Variants in CA10 observed in about 807,000 individuals in gnomAD.
CA10 encodes the protein carbonic anhydrase-related protein 10.
CA10 carries 14 observed loss-of-function variants against 44.2 expected under a neutral mutation model. The ratio of observed to expected loss-of-function variants is 0.32; its 90% confidence interval spans 0.21 to 0.50. The LOEUF is 0.50. CA10 is among the 20% of genes least tolerant of loss of function. The pLI, the probability that CA10 is intolerant of heterozygous loss-of-function variation, is 0.99. For missense variants in CA10, 350 were observed against 409.7 expected, an observed-to-expected ratio of 0.85 and a Z score of 1.26; for synonymous variants, 159 against 141.6, an observed-to-expected ratio of 1.12 and a Z score of -0.87.
intron 3 of CA10, among the ~76,000 whole-genome samples, chr17:51,865,185 T>C (rs1396974688): frequency 6.6e-6 from 1 of 152,156 alleles, no homozygotes; most frequent in Non-Finnish European, 1.5e-5. Flanking sequence ...TCATCTCACT[T>C]TCCTGCTTTA....
At chr17:51,726,556 T>C (rs1916528816) in intron 4 of CA10, among the ~76,000 whole-genome samples, 1 of 152,122 alleles carries the variant, frequency 6.6e-6, no homozygotes, top group African/African-American at 2.4e-5. Context: ...CAAAAATAAA[T>C]ACATTTTAAA....
intron 2 of CA10, among the ~76,000 whole-genome samples, chr17:51,990,147 A>C (rs1271093399): frequency 6.6e-6 from 1 of 152,044 alleles, no homozygotes; most frequent in East Asian, 1.9e-4. Flanking sequence ...TTTTTTCTAC[A>C]ACTATTTAAT....
intron 1 of CA10, among the ~76,000 whole-genome samples, chr17:52,132,513 G>A (rs1225096344): frequency 6.6e-6 from 1 of 152,210 alleles, no homozygotes; most frequent in Non-Finnish European, 1.5e-5. Flanking sequence ...TGCTGTACCT[G>A]TTAACTGCTA....
intron 1 of CA10, among the ~76,000 whole-genome samples, chr17:52,101,046 T>G (rs905848589): frequency 6.6e-6 from 1 of 152,192 alleles, no homozygotes; most frequent in Non-Finnish European, 1.5e-5. Flanking sequence ...AATTCAGACC[T>G]TCACATATTC....
At chr17:51,859,352 T>G (rs1215872132) in intron 3 of CA10, among the ~76,000 whole-genome samples, 2 of 152,136 alleles carry the variant, frequency 1.3e-5, no homozygotes, top group Admixed American at 1.3e-4. Flanking sequence ...TGTAAGTGAG[T>G]GACAGCAGGT....
intron 3 of CA10, among the ~76,000 whole-genome samples, chr17:51,868,755 T>C (rs994750584): frequency 2.6e-5 from 4 of 152,142 alleles, no homozygotes; most frequent in Admixed American, 6.5e-5. Context: ...AGCAGCTCTG[T>C]TGGACACCAC....
chr17:51,791,954 T>C (rs1445019267), intron 3 of CA10, among the ~76,000 whole-genome samples: 15 of 152,196 alleles, frequency 9.9e-5, no homozygotes, highest in Admixed American at 9.8e-4. Flanking sequence ...TCTGTTCTAT[T>C]AGATGTTAAG....
intron 3 of CA10, among the ~76,000 whole-genome samples, chr17:51,893,111 C>T (rs1980929724): frequency 6.6e-6 from 1 of 151,948 alleles, no homozygotes; most frequent in Admixed American, 6.6e-5. Context: ...TGCATAATAT[C>T]AAGTTACAGG....
rs189377984 is a variant in CA10 at position 51,909,692 on chromosome 17, C to A, written c.279+21298G>T. 1.1e-4 allele frequency among the ~76,000 whole-genome samples: 17 copies of A among 152,208 alleles called. No homozygotes were observed. In the East Asian group the frequency reaches 3.3e-3, roughly 29 times the overall value. On this transcript the variant is annotated intron_variant, in intron 3 of 8. Transcript: ENST00000451037. ...ATTTAATAGTCAACTGGAGGCTCAG[C>A]TTTTTATAATTTAGTTTCCCAGAAA...
At chr17:51,841,577 A>G (rs562432864) in intron 3 of CA10, among the ~76,000 whole-genome samples, 254 of 152,340 alleles carry the variant, frequency 1.7e-3, no homozygotes, top group African/African-American at 5.8e-3. Context: ...TTCAAGAGAA[A>G]TTGGACTAGA....
In CA10 at chr17:51,656,077, T is replaced by C. The variant is rs150934727; in HGVS notation, c.466-2341A>G. Among the ~76,000 whole-genome samples the C allele has an allele frequency of 5.2e-3, 790 of 152,316 alleles. 4 individuals carry two copies. The highest frequency in any genetic ancestry group is 0.018 in the African/African-American group (748 of 41,572). ...CACACTCAGCACACCTCCCTTCCAGTGCTGAGTAAGCTTCTAATGAGAACA... is the reference window on the plus strand; with the variant it reads ...CACACTCAGCACACCTCCCTTCCAGCGCTGAGTAAGCTTCTAATGAGAACA... On this transcript the variant is annotated intron_variant, in intron 4 of 8. Coordinates refer to ENST00000451037, the MANE Select transcript of CA10 (RefSeq NM_020178.5).
chr17:51,944,646 A>G (rs1479876406), intron 2 of CA10, among the ~76,000 whole-genome samples: 1 of 152,114 alleles, frequency 6.6e-6, no homozygotes, highest in Non-Finnish European at 1.5e-5. Context: ...ATTTTTATAT[A>G]TAGTCTCAAA....
chr17:51,910,269 G>A (rs1290687140), intron 3 of CA10, among the ~76,000 whole-genome samples: 1 of 152,012 alleles, frequency 6.6e-6, no homozygotes, highest in East Asian at 1.9e-4. Flanking sequence ...AATCTCCAAA[G>A]ATTTAGTTTA....
At chr17:51,950,808 A>G (rs942017771) in intron 2 of CA10, among the ~76,000 whole-genome samples, 1 of 152,166 alleles carries the variant, frequency 6.6e-6, no homozygotes, top group Non-Finnish European at 1.5e-5. Context: ...AATATAGCAT[A>G]TATTTATATT....
intron 2 of CA10, among the ~76,000 whole-genome samples, chr17:51,954,548 T>G (rs1983597416): frequency 6.6e-6 from 1 of 152,152 alleles, no homozygotes; most frequent in African/African-American, 2.4e-5. Flanking sequence ...ATAAAAAAGC[T>G]AAGGCACTAC....
intron 4 of CA10, among the ~76,000 whole-genome samples, chr17:51,717,728 C>CGTATATACATGT (rs1916184314): frequency 5.3e-5 from 1 of 18,998 alleles, no homozygotes; most frequent in African/African-American, 1.5e-4. Context: ...CGTATATATA[C>CGTATATACATGT]ATATATACGT....
intron 3 of CA10, among the ~76,000 whole-genome samples, chr17:51,840,158 T>C (rs1567857540): frequency 6.6e-6 from 1 of 152,176 alleles, no homozygotes; most frequent in Non-Finnish European, 1.5e-5. Context: ...TGGATAATGA[T>C]AGTGCCCACC....
chr17:52,019,445 G>A (rs1384118508), intron 2 of CA10, among the ~76,000 whole-genome samples: 1 of 152,070 alleles, frequency 6.6e-6, no homozygotes, highest in Non-Finnish European at 1.5e-5. Context: ...AATACTGGGA[G>A]AGAAGGGTTA....
At chr17:52,137,159 C>T (rs1315384935) in intron 1 of CA10, among the ~76,000 whole-genome samples, 1 of 151,288 alleles carries the variant, frequency 6.6e-6, no homozygotes, top group Non-Finnish European at 1.5e-5. Context: ...GGTAGGGTGG[C>T]AAAAGTGTAT....
Sources: gnomAD v4.1 joint callset for allele counts (sites outside exome capture counted in the v4.1 genomes callset) on GRCh38, gnomAD v4.1.1 for gene constraint, MANE v1.5 for transcripts, NCBI Gene and HGNC (gene_info 2026-07-23, HGNC 2026-07-21) for gene names.